The following SLIT2 variants were observed in gnomAD, a reference collection of about 807,000 sequenced individuals.
The protein encoded by SLIT2 is slit homolog 2 protein.
SLIT2 carries 41 observed loss-of-function variants against 185.7 expected under a neutral mutation model. The ratio of observed to expected loss-of-function variants is 0.22; its 90% CI spans 0.17 to 0.29. SLIT2 has a LOEUF of 0.29. Among genes scored for constraint, SLIT2 ranks in the 10% least tolerant of loss-of-function variants. SLIT2 has a pLI of 1.00. For missense variants in SLIT2, 1,571 were observed against 1,909.0 expected (o/e 0.82, Z 3.30); for synonymous variants, 693 against 680.2 (o/e 1.02, Z -0.29).
At chr4:20,266,620 C>A (rs1713059438) in intron 3 of SLIT2, among the ~76,000 whole-genome samples, 1 of 151,942 alleles carries the variant, frequency 6.6e-6, no homozygotes, top group South Asian at 2.1e-4. Flanking sequence ...TGACTGAGAG[C>A]AGGCTGCTCT....
intron 4 of SLIT2, among the ~76,000 whole-genome samples, chr4:20,449,724 A>T (rs1264117268): frequency 2.2e-4 from 33 of 152,204 alleles, no homozygotes; most frequent in Non-Finnish European, 1.0e-4. Flanking sequence ...CATTTTTTTT[A>T]TTTTTATTTG....
intron 4 of SLIT2, among the ~76,000 whole-genome samples, chr4:20,377,463 A>G (rs184624465): frequency 3.9e-5 from 6 of 152,220 alleles, no homozygotes; most frequent in East Asian, 1.9e-4. Flanking sequence ...CATAAGCCCT[A>G]CCCTCCCCTG....
chr4:20,417,457 T>TATATATATATATATAC (rs919072867), intron 4 of SLIT2, among the ~76,000 whole-genome samples: 4 of 145,014 alleles, frequency 2.8e-5, no homozygotes, highest in Non-Finnish European at 4.6e-5. Flanking sequence ...TATATATATA[T>TATATATATATATATAC]ACGTATATAT....
intron 29 of SLIT2, among the ~76,000 whole-genome samples, chr4:20,583,212 TTTG>T (rs569814986): frequency 2.9e-4 from 44 of 152,184 alleles, no homozygotes; most frequent in African/African-American, 8.4e-4. Context: ...ATAGGAATAG[TTTG>T]TTGTTGTTGT....
At chr4:20,458,547 T>C (rs984214597) in intron 4 of SLIT2, among the ~76,000 whole-genome samples, 1 of 152,236 alleles carries the variant, frequency 6.6e-6, no homozygotes, top group Non-Finnish European at 1.5e-5. Context: ...CTCAGAAGTC[T>C]GTTTTTTAAA....
intron 4 of SLIT2, among the ~76,000 whole-genome samples, chr4:20,458,865 T>C (rs1320339788): frequency 6.6e-6 from 1 of 152,188 alleles, no homozygotes; most frequent in Non-Finnish European, 1.5e-5. Context: ...ATAGAAACAA[T>C]ACAATGTGTT....
At chr4:20,327,269 A>G (rs1227823916) in intron 4 of SLIT2, among the ~76,000 whole-genome samples, 2 of 152,038 alleles carry the variant, frequency 1.3e-5, no homozygotes, top group African/African-American at 4.8e-5. Context: ...GGTCTGGCTA[A>G]TTGAGAATGA....
At chr4:20,363,471 G>A (rs1236324473) in intron 4 of SLIT2, among the ~76,000 whole-genome samples, 2 of 152,064 alleles carry the variant, frequency 1.3e-5, no homozygotes, top group African/African-American at 4.8e-5. Context: ...TCTCTCCCAT[G>A]GTAATGTAAA....
chr4:20,511,420 C>CTTTTTTTTTTTTTTTTTTTT (rs1040955182), intron 11 of SLIT2, among the ~76,000 whole-genome samples: 1 of 122,058 alleles, frequency 8.2e-6, no homozygotes. Context: ...TTTTTTATTT[C>CTTTTTTTTTTTTTTTTTTTT]TTTTTTTTTT....
intron 4 of SLIT2, among the ~76,000 whole-genome samples, chr4:20,353,210 T>G (rs1722028435): frequency 6.6e-6 from 1 of 152,186 alleles, no homozygotes; most frequent in South Asian, 2.1e-4. Flanking sequence ...TGCCAGATAA[T>G]TATCACTTAG....
chr4:20,453,948 A>G (rs1488989003), intron 4 of SLIT2, among the ~76,000 whole-genome samples: 3 of 152,198 alleles, frequency 2.0e-5, no homozygotes, highest in Non-Finnish European at 4.4e-5. Context: ...CTCTGGTTTG[A>G]GTGGCATGGA....
chr4:20,543,761 A>T (rs1315264097), intron 21 of SLIT2, among the ~76,000 whole-genome samples: 1 of 152,104 alleles, frequency 6.6e-6, no homozygotes, highest in Non-Finnish European at 1.5e-5. Context: ...AACTTAGCAC[A>T]TGTGCTTAGA....
chr4:20,367,223 ATTGC>A (rs1723189244), intron 4 of SLIT2, among the ~76,000 whole-genome samples: 1 of 152,142 alleles, frequency 6.6e-6, no homozygotes, highest in African/African-American at 2.4e-5. Context: ...GAAAATAGTT[ATTGC>A]TTGCTTACTC....
chr4:20,294,764 G>A (rs1479590490), intron 4 of SLIT2, among the ~76,000 whole-genome samples: 4 of 152,164 alleles, frequency 2.6e-5, no homozygotes, highest in African/African-American at 9.7e-5. Context: ...AGATAGCCAT[G>A]GTTGGAATTC....
At chr4:20,295,836 A>G (rs75790832) in intron 4 of SLIT2, among the ~76,000 whole-genome samples, 1 of 92,302 alleles carries the variant, frequency 1.1e-5, no homozygotes, top group Non-Finnish European at 2.5e-5. Context: ...GAGTACTAGG[A>G]AAAAAAAATA....
chr4:20,437,950 G>C (rs1577658555), intron 4 of SLIT2, among the ~76,000 whole-genome samples: 1 of 148,556 alleles, frequency 6.7e-6, no homozygotes, highest in Non-Finnish European at 1.5e-5. Flanking sequence ...AAAACTAAGA[G>C]TTATCCTTGA....
chr4:20,561,700 T>A (rs538865247), intron 26 of SLIT2, among the ~76,000 whole-genome samples: 1 of 151,840 alleles, frequency 6.6e-6, no homozygotes, highest in African/African-American at 2.4e-5. Context: ...TAGTACATAG[T>A]TGTATCTTGG....
At chr4:20,292,195 AC>A (rs1182253639) in intron 4 of SLIT2, among the ~76,000 whole-genome samples, 1 of 151,798 alleles carries the variant, frequency 6.6e-6, no homozygotes, top group African/African-American at 2.4e-5. Flanking sequence ...ATCTAAAACA[AC>A]CTCTTCATGT....
chr4:20,487,548 A>G (rs971586626), intron 7 of SLIT2, among the ~76,000 whole-genome samples: 1 of 152,108 alleles, frequency 6.6e-6, no homozygotes, highest in African/African-American at 2.4e-5. Context: ...CAAGTTCCTA[A>G]TTGGAATTTT....
Sources: allele counts gnomAD v4.1 joint callset (sites outside exome capture counted in the v4.1 genomes callset), GRCh38; gene constraint gnomAD v4.1.1; transcripts MANE v1.5; gene names NCBI Gene and HGNC (gene_info 2026-07-23, HGNC 2026-07-21).